Variants in MAML2 observed in about 807,000 individuals in gnomAD.
The protein encoded by MAML2 is mastermind like transcriptional coactivator 2, also known as mastermind-like protein 2.
Under a neutral mutation model 96.1 loss-of-function variants are expected in MAML2, and 22 were observed. The ratio of observed to expected loss-of-function variants is 0.23; its 90% CI spans 0.16 to 0.33. The LOEUF is 0.33. Among genes scored for constraint, MAML2 ranks in the 10% least tolerant of loss-of-function variants. MAML2 has a pLI of 1.00. For synonymous variants in MAML2, 561 were observed against 521.3 expected, an observed-to-expected ratio of 1.08 and a Z score of -1.04; for missense variants, 1,367 against 1,392.4, an observed-to-expected ratio of 0.98 and a Z score of 0.29.
intron 2 of MAML2, among the ~76,000 whole-genome samples, chr11:95,996,740 A>T (rs1270205461): frequency 6.6e-6 from 1 of 152,164 alleles, no homozygotes; most frequent in Non-Finnish European, 1.5e-5. Flanking sequence ...CATTGCCAAC[A>T]TGTTGTGCAA....
At chr11:96,178,095 CT>C (rs35797274) in intron 1 of MAML2, among the ~76,000 whole-genome samples, 9 of 143,118 alleles carry the variant, frequency 6.3e-5, no homozygotes, top group East Asian at 4.0e-4. Context: ...TCTTTTTTTT[CT>C]TTTTTTTTTG....
At chr11:96,184,651 G>C (rs1273813987) in intron 1 of MAML2, among the ~76,000 whole-genome samples, 1 of 146,518 alleles carries the variant, frequency 6.8e-6, no homozygotes, top group South Asian at 2.2e-4. Context: ...GTGCGGTGGC[G>C]CTGTCTGGGC....
intron 1 of MAML2, among the ~76,000 whole-genome samples, chr11:96,094,083 G>A (rs983298630): frequency 1.5e-4 from 22 of 147,794 alleles, no homozygotes; most frequent in African/African-American, 5.2e-4. Context: ...TGCTATTATT[G>A]TTCATCTACT....
chr11:96,121,777 G>A (rs1388368284), intron 1 of MAML2, among the ~76,000 whole-genome samples: 5 of 51,242 alleles, frequency 9.8e-5, no homozygotes, highest in South Asian at 6.8e-4. Flanking sequence ...TCCCAACTGC[G>A]TGATTTTTTT....
At chr11:96,075,559 C>G (rs1307031549) in intron 2 of MAML2, among the ~76,000 whole-genome samples, 2 of 152,142 alleles carry the variant, frequency 1.3e-5, no homozygotes, top group South Asian at 2.1e-4. Flanking sequence ...TAAGTGCCTA[C>G]AGAGTGCTAG....
At chr11:96,190,964 T>C (rs1325326912) in intron 1 of MAML2, among the ~76,000 whole-genome samples, 1 of 152,212 alleles carries the variant, frequency 6.6e-6, no homozygotes, top group East Asian at 1.9e-4. Flanking sequence ...GGTTAGTCTT[T>C]CTCTAATCTC....
At chr11:96,318,434 T>G (rs1863659419) in intron 1 of MAML2, among the ~76,000 whole-genome samples, 1 of 152,228 alleles carries the variant, frequency 6.6e-6, no homozygotes. Context: ...AGTGATCATT[T>G]AAGAGAGTTA....
At chr11:96,183,071 C>T (rs1861513709) in intron 1 of MAML2, among the ~76,000 whole-genome samples, 1 of 151,536 alleles carries the variant, frequency 6.6e-6, no homozygotes, top group Admixed American at 6.6e-5. Flanking sequence ...GATTCTCCTG[C>T]CTCAGCCTCC....
At chr11:96,257,304 G>A (rs1862681538) in intron 1 of MAML2, among the ~76,000 whole-genome samples, 1 of 152,180 alleles carries the variant, frequency 6.6e-6, no homozygotes. Context: ...TTGTCACCCT[G>A]CAATTGATCC....
At chr11:96,294,317 TAAA>T (rs71040140) in intron 1 of MAML2, among the ~76,000 whole-genome samples, 1 of 146,778 alleles carries the variant, frequency 6.8e-6, no homozygotes. Flanking sequence ...TAACCCATTG[TAAA>T]AAAAAAAAAA....
chr11:96,027,698 G>A (rs678618), intron 2 of MAML2, among the ~76,000 whole-genome samples: 37,918 of 151,908 alleles, frequency 0.25, 4,950 homozygotes, highest in South Asian at 0.36. Flanking sequence ...TGAGGGGAGC[G>A]TAGTACATTC....
At chr11:96,044,730 G>T in intron 2 of MAML2, among the ~76,000 whole-genome samples, 1 of 152,148 alleles carries the variant, frequency 6.6e-6, no homozygotes, top group East Asian at 1.9e-4. Context: ...AGGTCCATTG[G>T]CAAGTTTTTC....
At chr11:96,284,118 A>T (rs1022379193) in intron 1 of MAML2, among the ~76,000 whole-genome samples, 1 of 152,204 alleles carries the variant, frequency 6.6e-6, no homozygotes, top group African/African-American at 2.4e-5. Flanking sequence ...TCCCTTGCCA[A>T]CTGGCTGAAG....
rs137957883 is a variant in MAML2 at position 96,268,202 on chromosome 11, C to T, written c.513+73181G>A. Among the ~76,000 whole-genome samples the T allele has an allele frequency of 7.9e-5, 12 of 152,280 alleles. No individual in the cohort carries two copies. The East Asian group carries it at 2.3e-3, about 29-fold the overall frequency. On this transcript the variant is annotated intron_variant, in intron 1 of 4. Coordinates refer to ENST00000524717, the MANE Select transcript of MAML2 (RefSeq NM_032427.4). ...TACATCTTAAAAAGTAGGCTGGGTG[C>T]ACTGACTCATACCTGTAATCCCAGC...
intron 2 of MAML2, among the ~76,000 whole-genome samples, chr11:96,061,988 T>C (rs901264398): frequency 2.6e-5 from 4 of 152,172 alleles, no homozygotes; most frequent in Non-Finnish European, 5.9e-5. Flanking sequence ...TATCATACTA[T>C]GAGAGACGAG....
intron 1 of MAML2, among the ~76,000 whole-genome samples, chr11:96,205,650 A>G (rs1453489965): frequency 6.6e-6 from 1 of 152,218 alleles, no homozygotes; most frequent in Non-Finnish European, 1.5e-5. Context: ...TTGACTTGGC[A>G]AGCAAAATAA....
chr11:96,276,711 G>A (rs950215818), intron 1 of MAML2, among the ~76,000 whole-genome samples: 1 of 151,288 alleles, frequency 6.6e-6, no homozygotes, highest in Non-Finnish European at 1.5e-5. Context: ...GGTCGAAGTG[G>A]CTTGCGAAAA....
intron 1 of MAML2, among the ~76,000 whole-genome samples, chr11:96,183,403 C>CA (rs1469161470): frequency 1.2e-4 from 5 of 40,512 alleles, no homozygotes; most frequent in Non-Finnish European, 1.4e-4. Context: ...TCCCCCCCCC[C>CA]CCTTTCTTTT....
intron 3 of MAML2, among the ~76,000 whole-genome samples, chr11:95,991,221 C>T (rs1035608967): frequency 6.6e-6 from 1 of 152,114 alleles, no homozygotes; most frequent in South Asian, 2.1e-4. Flanking sequence ...GCCTGGGGAA[C>T]AACACTGGTT....
Sources: allele counts gnomAD v4.1 joint callset (sites outside exome capture counted in the v4.1 genomes callset), GRCh38; gene constraint gnomAD v4.1.1; transcripts MANE v1.5; gene names NCBI Gene and HGNC (gene_info 2026-07-23, HGNC 2026-07-21).